The following EDEM1 variants were observed in gnomAD, a reference collection of about 807,000 sequenced individuals.
The protein encoded by EDEM1 is ER degradation enhancing alpha-mannosidase like protein 1.
EDEM1 carries 67 observed loss-of-function variants against 74.4 expected under a neutral mutation model. The ratio of observed to expected loss-of-function variants is 0.90; its 90% confidence interval spans 0.74 to 1.10. The LOEUF (loss-of-function observed/expected upper bound fraction) is 1.10, where lower values mean the gene tolerates loss of function less well. EDEM1 is among the 50% of genes least tolerant of loss of function. The probability of loss-of-function intolerance (pLI) is 0.00; values close to 1 mark genes in which losing one functional copy is unlikely to be tolerated. For synonymous variants in EDEM1, 382 were observed against 335.9 expected, an observed-to-expected ratio of 1.14 and a Z score of -1.50; for missense variants, 926 against 851.6, an observed-to-expected ratio of 1.09 and a Z score of -1.09.
intron 7 of EDEM1, 47 bp downstream of exon 7, chr3:5,207,320 G>A (rs772782765): frequency 5.0e-6 from 8 of 1,605,630 alleles, no homozygotes; most frequent in Non-Finnish European, 6.8e-6. Flanking sequence ...ACCAGAAAGG[G>A]CTTCTCCCTC....
chr3:5,213,710 G>A (rs1451555780), intron 11 of EDEM1, among the ~76,000 whole-genome samples, 188 bp downstream of exon 11: 1 of 152,220 alleles, frequency 6.6e-6, no homozygotes, highest in Non-Finnish European at 1.5e-5. Flanking sequence ...AGCAGCGGTG[G>A]CATCATCACT....
chr3:5,188,035 C>T lies in EDEM1; in HGVS notation c.230C>T (p.Thr77Ile), dbSNP rs1445833523. The change falls in exon 1 of 12, where the codon ACC (threonine) becomes ATC (isoleucine). Residue 77 changes from threonine to isoleucine, a missense_variant. Thr to Ile is a moderately conservative substitution (Grantham distance 89). Coordinates refer to ENST00000256497, the MANE Select transcript of EDEM1 (RefSeq NM_014674.3). ...CCGTCGTGGCTGCAGCCGCCGGGGA[C>T]CGGGGCAGCGCAGAGCCCGCGCAAG... ...SGPSWLQPPGTGAAQSPRKAP... is the reference protein window; with the variant it reads ...SGPSWLQPPGIGAAQSPRKAP... The T allele has an allele frequency of 2.8e-6, 4 of 1,450,692 alleles. No homozygotes were observed. The highest frequency in any genetic ancestry group is 2.8e-5 in the Admixed American group (1 of 36,254). 89.9% of individuals were successfully genotyped at this position (1,450,692 alleles called of 1,614,324 possible). A position where few individuals can be genotyped will look rare whatever the true frequency, so the allele number is the denominator to read the frequency against.
At chr3:5,198,273 T>C (rs2054993956) in intron 2 of EDEM1, among the ~76,000 whole-genome samples, 1 of 152,226 alleles carries the variant, frequency 6.6e-6, no homozygotes, top group African/African-American at 2.4e-5. Context: ...GGTTTTGAAC[T>C]CTTGGCCTGA....
At chr3:5,193,678 A>G (rs1213484268) in intron 1 of EDEM1, among the ~76,000 whole-genome samples, 1 of 151,970 alleles carries the variant, frequency 6.6e-6, no homozygotes, top group African/African-American at 2.4e-5. Flanking sequence ...GCTCACCGCA[A>G]CCTCCGCCTC....
intron 3 of EDEM1, among the ~76,000 whole-genome samples, chr3:5,200,418 T>G (rs2055020867): frequency 6.6e-6 from 1 of 152,200 alleles, no homozygotes; most frequent in Admixed American, 6.5e-5. Context: ...CATTTTAGTA[T>G]ATTTCTTTGT....
rs1426842250 is a variant in EDEM1, at chr3:5,217,602, C to T, written c.*1684C>T. 1 of 152,454 alleles carries T rather than the reference C, an allele frequency of 6.6e-6. No individual in the cohort carries two copies. The highest frequency in any genetic ancestry group is 2.4e-5 in the African/African-American group (1 of 41,368). The allele number at this position is 152,454 out of a possible 1,614,324, so 9.4% of individuals were successfully genotyped here. On this transcript the variant is annotated 3_prime_UTR_variant, in exon 12 of 12. Transcript: ENST00000256497. ...AGAGTATTTTCAGTAATAAACGTGC[C>T]ATCTCTATCTCTTAAACATTTATTA...
intron 1 of EDEM1, chr3:5,189,510 C>T (rs1458784311): frequency 2.0e-5 from 3 of 152,190 alleles, no homozygotes; most frequent in Admixed American, 6.5e-5. Context: ...CTTGCTTAAC[C>T]ATAGCGTTTA....
intron 2 of EDEM1, among the ~76,000 whole-genome samples, chr3:5,197,629 C>G (rs1367403310): frequency 6.6e-6 from 1 of 152,182 alleles, no homozygotes; most frequent in Admixed American, 6.5e-5. Context: ...GAATATCCGG[C>G]CTTTAGTGCT....
intron 10 of EDEM1, among the ~76,000 whole-genome samples, chr3:5,213,073 G>T (rs1456163408): frequency 6.6e-6 from 1 of 152,180 alleles, no homozygotes; most frequent in African/African-American, 2.4e-5. Flanking sequence ...GAGTCTCTGC[G>T]TCTGGGCAGG....
intron 5 of EDEM1, among the ~76,000 whole-genome samples, chr3:5,203,845 C>T (rs551438950): frequency 6.6e-6 from 1 of 152,288 alleles, no homozygotes; most frequent in East Asian, 1.9e-4. Flanking sequence ...GATCCTCCCA[C>T]CTCAGCCTCC....
intron 6 of EDEM1, 77 bp from the exon 7 acceptor site, chr3:5,207,076 A>G: frequency 6.4e-7 from 1 of 1,561,150 alleles, no homozygotes; most frequent in Non-Finnish European, 8.7e-7. Context: ...AAATGAAACT[A>G]CCAGCAGCTG....
At chr3:5,193,576 C>T (rs972821305) in intron 1 of EDEM1, among the ~76,000 whole-genome samples, 6 of 151,596 alleles carry the variant, frequency 4.0e-5, no homozygotes, top group South Asian at 2.1e-4. Flanking sequence ...ATATATATCT[C>T]GTTTCAAAAA....
chr3:5,211,075 G>T, intron 9 of EDEM1, 45 bp from the exon 10 acceptor site: 2 of 1,560,526 alleles, frequency 1.3e-6, no homozygotes, highest in Non-Finnish European at 8.8e-7. Flanking sequence ...GAATCAGCAG[G>T]TGGGAAGGAA....
chr3:5,208,182 T>G lies in EDEM1; in HGVS notation c.1428T>G (p.Tyr476Ter). The G allele has an allele frequency of 1.9e-6, 3 of 1,613,794 alleles. No individual in the cohort carries two copies. Among genetic ancestry groups the G allele is most frequent in the Non-Finnish European group, 2.5e-6 (3 of 1,179,934 alleles). Residue 476 changes from tyrosine (Y) to a stop codon, truncating the protein, a stop_gained, in exon 8 of 12, where the codon TAT becomes TAG. Transcript: ENST00000256497. LOFTEE classifies it high-confidence loss of function. ...WKRYGALPER[Y>*]NWQLQAPDVL... The stretch of plus-strand genomic sequence containing the variant: ...GATATGGTGCCCTCCCTGAGAGATA[T>G]AACTGGCAGCTGCAGGCCCCTGACG...
Position 5,213,374 on chromosome 3 carries a change from C to T in EDEM1, c.1736C>T (p.Thr579Ile). 1 of 1,614,074 alleles carries T rather than the reference C, an allele frequency of 6.2e-7. No individual in the cohort carries two copies. Among genetic ancestry groups the T allele is most frequent in the Non-Finnish European group, 8.5e-7 (1 of 1,179,984 alleles). The change falls in exon 11 of 12, where the codon ACA (threonine) becomes ATA (isoleucine). Residue 579 changes from threonine to isoleucine, a missense_variant. Physicochemically the swap from Thr to Ile is moderately conservative, Grantham distance 89. Coordinates refer to ENST00000256497, the MANE Select transcript of EDEM1 (RefSeq NM_014674.3). ...HKSGTRYMFT[T>I]EGHIVSVDEH... is the part of the protein sequence containing the mutation. ...TCTGGAACCAGATACATGTTCACAA[C>T]AGAGGGACACATTGTATCTGTGGAT...
chr3:5,213,799 G>A (rs926365146), intron 11 of EDEM1, among the ~76,000 whole-genome samples: 2 of 152,168 alleles, frequency 1.3e-5, no homozygotes, highest in South Asian at 4.1e-4. Context: ...CGAGCACTCA[G>A]CAGGAGCCAC....
At position 5,211,295 on chromosome 3, in the gene EDEM1, G is replaced by A. The variant is rs75584351; in HGVS notation, c.1680+79G>A. ...ATTCGCATAGTCTTCCATCTGACAG[G>A]TACTTACTGGCTAAAGCTATGTGCT... On this transcript the variant is annotated intron_variant, in intron 10 of 11. Transcript: ENST00000256497. The A allele has an allele frequency of 7.6e-3, 10,255 of 1,349,664 alleles. 592 individuals are homozygous for A. The African/African-American group carries it at 0.13, about 17-fold the overall frequency. 83.6% of individuals were successfully genotyped at this position (1,349,664 alleles called of 1,614,324 possible).
At chr3:5,207,473 C>G (rs890724195) in intron 7 of EDEM1, among the ~76,000 whole-genome samples, 200 bp downstream of exon 7, 2 of 152,116 alleles carry the variant, frequency 1.3e-5, no homozygotes, top group South Asian at 2.1e-4. Flanking sequence ...AGTGCAAAAC[C>G]GTGCTTGAGA....
At position 5,205,189 on chromosome 3, in the gene EDEM1, C is replaced by G. The variant is rs867053622; in HGVS notation, c.1165C>G (p.Leu389Val). Residue 389 changes from leucine (L) to valine (V), a missense_variant, in exon 6 of 12, where the codon CTA becomes GTA. By Grantham distance (32) the Leu-to-Val change is conservative. Transcript: ENST00000256497. Reference sequence around the variant, plus strand: ...CATTCTCTTTGGAGAAAAAGAAGACCTAGAAATGTTTAATGCTGCATATCA... The same window carrying G: ...CATTCTCTTTGGAGAAAAAGAAGACGTAGAAATGTTTAATGCTGCATATCA... ...SYILFGEKED[L>V]EMFNAAYQSI... 6.2e-7 allele frequency: 1 copy of G among 1,614,174 alleles called. No individual in the cohort carries two copies. Among genetic ancestry groups the G allele is most frequent in the Non-Finnish European group, 8.5e-7 (1 of 1,180,030 alleles).
Sources: gnomAD v4.1 joint callset for allele counts (sites outside exome capture counted in the v4.1 genomes callset) on GRCh38, gnomAD v4.1.1 for gene constraint, MANE v1.5 for transcripts, NCBI Gene and HGNC (gene_info 2026-07-23, HGNC 2026-07-21) for gene names.